Variants in DEPDC7 observed in about 807,000 individuals in gnomAD.
The protein encoded by DEPDC7 is DEP domain containing 7.
DEPDC7 carries 41 observed loss-of-function variants against 56.6 expected under a neutral mutation model. The ratio of observed to expected loss-of-function variants is 0.72; its 90% confidence interval spans 0.56 to 0.94. DEPDC7 has a LOEUF of 0.94. Among genes scored for constraint, DEPDC7 ranks in the 40% least tolerant of loss-of-function variants. DEPDC7 has a pLI of 0.00. For missense variants in DEPDC7, 522 were observed against 596.3 expected (o/e 0.88, Z 1.30); for synonymous variants, 185 against 208.8 (o/e 0.89, Z 0.98).
chr11:33,021,755 A>T (rs1293474328), intron 1 of DEPDC7, among the ~76,000 whole-genome samples: 1 of 152,190 alleles, frequency 6.6e-6, no homozygotes, highest in East Asian at 1.9e-4. Flanking sequence ...GCTGCATTGT[A>T]TCATGCCTGG....
chr11:33,030,637 G>A (rs1041339430), intron 4 of DEPDC7, among the ~76,000 whole-genome samples: 5 of 152,104 alleles, frequency 3.3e-5, no homozygotes, highest in East Asian at 3.9e-4. Context: ...AGGCTGGAGT[G>A]CAGTGGCTCA....
At position 33,025,871 on chromosome 11, in the gene DEPDC7, G is replaced by C; in HGVS notation, c.286G>C (p.Val96Leu). ...GDVDIPRAKVVRVCQALMDYK... is the reference protein window; with the variant it reads ...GDVDIPRAKVLRVCQALMDYK... ...TGTAGATATTCCTCGAGCCAAAGTG[G>C]TGAGAGTGTGTCAAGCGCTTATGGA... Residue 96 changes from valine (V) to leucine (L), a missense_variant, in exon 2 of 9, where the codon GTG (valine) becomes CTG (leucine). Coordinates refer to ENST00000241051, the MANE Select transcript of DEPDC7 (RefSeq NM_001077242.2). 1 of 1,614,168 alleles carries C rather than the reference G, an allele frequency of 6.2e-7. No homozygotes were observed. Among genetic ancestry groups the C allele is most frequent in the Non-Finnish European group, 8.5e-7 (1 of 1,180,020 alleles).
At chr11:33,032,644 G>T in intron 6 of DEPDC7, 24 bp from the exon 7 acceptor site, 2 of 1,467,032 alleles carry the variant, frequency 1.4e-6, no homozygotes, top group South Asian at 1.3e-5. Flanking sequence ...TATACTATTG[G>T]ATATATTTGT....
Position 33,025,641 on chromosome 11 carries a change from T to A in DEPDC7, c.74-18T>A. ...AAGGTACTAAATCCCAGTTTCTCTA[T>A]GATTTTTCTCCTTCTAGGTTTCAGT... On this transcript the variant is annotated intron_variant, in intron 1 of 8. Coordinates refer to ENST00000241051, the MANE Select transcript of DEPDC7 (RefSeq NM_001077242.2). The A allele has an allele frequency of 1.3e-6, 2 of 1,585,878 alleles. No individual in the cohort carries two copies. The highest frequency in any genetic ancestry group is 1.7e-6 in the Non-Finnish European group (2 of 1,163,186).
At chr11:33,032,646 T>G in intron 6 of DEPDC7, 22 bp from the exon 7 acceptor site, 1 of 1,500,810 alleles carries the variant, frequency 6.7e-7, no homozygotes, top group Non-Finnish European at 9.0e-7. Context: ...TACTATTGGA[T>G]ATATTTGTTT....
intron 1 of DEPDC7, among the ~76,000 whole-genome samples, chr11:33,017,995 G>C (rs34098874): frequency 1.3e-4 from 20 of 152,178 alleles, no homozygotes; most frequent in Non-Finnish European, 2.4e-4. Flanking sequence ...TCTCATTAAT[G>C]TATGTGAATT....
At chr11:33,016,580 T>A (rs1853464490) in intron 1 of DEPDC7, 1 of 1,614,146 alleles carries the variant, frequency 6.2e-7, no homozygotes, top group African/African-American at 1.3e-5. Context: ...GAATTTGGCA[T>A]AAAAGGTATT....
At chr11:33,033,184 C>T in intron 8 of DEPDC7, 78 bp from the exon 9 acceptor site, 1 of 1,177,090 alleles carries the variant, frequency 8.5e-7, no homozygotes, top group Non-Finnish European at 1.2e-6. Context: ...AACATAAAGA[C>T]AAGAATATTG....
Position 33,033,412 on chromosome 11 carries a change from A to AT in DEPDC7, c.1494dup (p.Lys499Ter). On this transcript the variant is annotated frameshift_variant, in exon 9 of 9. Transcript: ENST00000241051. LOFTEE classifies it high-confidence loss of function. ...AAGAAAAAATTGCTAGGTCAATTCT[A>AT]TAAGTGTCACCCAGACATCTTTATT... 1 of 1,608,280 alleles carries AT rather than the reference A, an allele frequency of 6.2e-7. No homozygotes were observed. The highest frequency in any genetic ancestry group is 8.5e-7 in the Non-Finnish European group (1 of 1,178,380).
chr11:33,032,697 A>G lies in DEPDC7; in HGVS notation c.1167A>G (p.Ile389Met). ...ESDNRMVVKR[I>M]FSKAIVDNKN... ...ACAACCGAATGGTTGTGAAAAGGAT[A>G]TTCTCAAAAGCTATTGTTGACAATA... Residue 389 changes from isoleucine to methionine, a missense_variant, in exon 7 of 9, where the codon ATA (isoleucine) becomes ATG (methionine). Physicochemically the swap from Ile to Met is conservative, Grantham distance 10. Coordinates refer to ENST00000241051, the MANE Select transcript of DEPDC7 (RefSeq NM_001077242.2). The G allele has an allele frequency of 6.2e-7, 1 of 1,601,392 alleles. No homozygotes were observed. Among genetic ancestry groups the G allele is most frequent in the Middle Eastern group, 1.7e-4 (1 of 6,010 alleles).
intron 1 of DEPDC7, chr11:33,016,290 T>C: frequency 1.4e-6 from 2 of 1,399,606 alleles, no homozygotes; most frequent in South Asian, 3.4e-5. Context: ...GACTCTCAAC[T>C]TGACCGCGCG....
At chr11:33,029,443 G>C (rs1228378122) in intron 4 of DEPDC7, among the ~76,000 whole-genome samples, 1 of 142,310 alleles carries the variant, frequency 7.0e-6, no homozygotes, top group Non-Finnish European at 1.5e-5. Context: ...AGTGAGCTGA[G>C]ATCATGTTGC....
At chr11:33,024,303 T>C (rs35676212) in intron 1 of DEPDC7, among the ~76,000 whole-genome samples, 281 of 152,354 alleles carry the variant, frequency 1.8e-3, no homozygotes, top group Non-Finnish European at 3.4e-3. Flanking sequence ...CAATAGGTCA[T>C]AAGCTCCTAT....
intron 1 of DEPDC7, among the ~76,000 whole-genome samples, chr11:33,023,055 C>T (rs1853538329): frequency 6.6e-6 from 1 of 151,856 alleles, no homozygotes; most frequent in African/African-American, 2.4e-5. Context: ...GAAACCCTGT[C>T]TCTACTAAAA....
chr11:33,026,789 TTTTC>T (rs201998768), intron 2 of DEPDC7: 21,605 of 150,916 alleles, frequency 0.14, 1,941 homozygotes, highest in Middle Eastern at 0.23. Context: ...TTTTCTTTTC[TTTTC>T]TTTTTTTTCC....
rs1853561461 is a variant in DEPDC7 at position 33,024,836 on chromosome 11, G to GTGTA, written c.74-820_74-817dup. 2.2e-5 allele frequency among the ~76,000 whole-genome samples: 3 copies of GTGTA among 134,710 alleles called. No individual in the cohort carries two copies. The Admixed American group carries it at 2.3e-4, about 10-fold the overall frequency. 88.4% of individuals were successfully genotyped at this position (134,710 alleles called of 152,430 possible). Reference sequence around the variant, plus strand: ...TGTGTGTGTGTGTGTGTGTGTGTGTGTGTATGACTCATAAGTACTTCAAAA... The same window carrying GTGTA: ...TGTGTGTGTGTGTGTGTGTGTGTGTGTGTATGTATGACTCATAAGTACTTCAAAA... On this transcript the variant is annotated intron_variant, in intron 1 of 8. Transcript: ENST00000241051.
At chr11:33,030,653 G>A (rs1853624072) in intron 4 of DEPDC7, among the ~76,000 whole-genome samples, 1 of 151,822 alleles carries the variant, frequency 6.6e-6, no homozygotes, top group South Asian at 2.1e-4. Context: ...GCTCAATCTT[G>A]GCTCACTGCA....
chr11:33,027,556 C>G, intron 2 of DEPDC7, 130 bp from the exon 3 acceptor site: 2 of 687,362 alleles, frequency 2.9e-6, no homozygotes, highest in Non-Finnish European at 4.3e-6. Flanking sequence ...ATTTATTCTA[C>G]TCTTAGAATT....
At chr11:33,016,664 A>G (rs1388200823) in intron 1 of DEPDC7, 18 of 1,505,368 alleles carry the variant, frequency 1.2e-5, no homozygotes, top group Admixed American at 1.7e-5. Context: ...ACATGAAATT[A>G]GGAGGGAAGT....
Sources: gnomAD v4.1 joint callset for allele counts (sites outside exome capture counted in the v4.1 genomes callset) on GRCh38, gnomAD v4.1.1 for gene constraint, MANE v1.5 for transcripts, NCBI Gene and HGNC (gene_info 2026-07-23, HGNC 2026-07-21) for gene names.